IRS1: variants seen among roughly 807,000 people sequenced by gnomAD.
IRS1 encodes insulin receptor substrate 1.
IRS1 carries 34 observed loss-of-function variants against 65.6 expected under a neutral mutation model. That is an observed-to-expected ratio of 0.52 (90% CI 0.39 to 0.69). The LOEUF is 0.69. IRS1 is among the 30% of genes least tolerant of loss of function. The probability of loss-of-function intolerance (pLI) is 0.00; values close to 1 mark genes in which losing one functional copy is unlikely to be tolerated. For missense variants in IRS1, 1,641 were observed against 1,720.2 expected (o/e 0.95, Z 0.81); for synonymous variants, 699 against 683.5 (o/e 1.02, Z -0.35).
At chr2:226,766,121 T>TTACATATATATA (rs1939026635) in intron 1 of IRS1, among the ~76,000 whole-genome samples, 1 of 14,246 alleles carries the variant, frequency 7.0e-5, no homozygotes, top group African/African-American at 2.6e-4. Context: ...TCTCTTAATC[T>TTACATATATATA]TATATATATA....
At chr2:226,773,386 T>A (rs1174539804) in intron 1 of IRS1, among the ~76,000 whole-genome samples, 20 of 152,058 alleles carry the variant, frequency 1.3e-4, no homozygotes, top group Admixed American at 1.3e-3. Flanking sequence ...GGGAAGGTGT[T>A]TGAAATATTA....
chr2:226,761,603 C>T (rs556311132), intron 1 of IRS1, among the ~76,000 whole-genome samples: 17 of 152,084 alleles, frequency 1.1e-4, no homozygotes, highest in Admixed American at 1.3e-4. Context: ...AACTTTAAAT[C>T]GAATAAAAGC....
In IRS1 at chr2:226,797,262, G is replaced by A. The variant is rs780720173; in HGVS notation, c.1477C>T (p.Arg493Cys). The A allele has an allele frequency of 6.2e-7, 1 of 1,613,508 alleles. No individual in the cohort carries two copies. The highest frequency in any genetic ancestry group is 8.5e-7 in the Non-Finnish European group (1 of 1,179,962). ...YILSRGGNGH[R>C]CTPGTGLGTS... The stretch of plus-strand genomic sequence containing the variant: ...CCCAAGCCTGTTCCTGGGGTGCAGC[G>A]GTGGCCATTGCCACCCCGAGACAAA... Residue 493 changes from arginine (R) to cysteine (C), a missense_variant, in exon 1 of 2, where the codon CGC becomes TGC. Coordinates refer to ENST00000305123, the MANE Select transcript of IRS1 (RefSeq NM_005544.3). The surrounding 1 kb of genome is among the most constrained non-coding windows in gnomAD (Gnocchi z 8.1).
chr2:226,744,721 C>A (rs1938503562), intron 1 of IRS1, among the ~76,000 whole-genome samples: 1 of 152,148 alleles, frequency 6.6e-6, no homozygotes, highest in African/African-American at 2.4e-5. Flanking sequence ...AACCATTCAT[C>A]CCCTCACCCC....
At chr2:226,784,580 G>A (rs1382275849) in intron 1 of IRS1, among the ~76,000 whole-genome samples, 5 of 152,056 alleles carry the variant, frequency 3.3e-5, no homozygotes, top group Admixed American at 1.3e-4. Context: ...CTGCCACCAC[G>A]TGCAGCTAAT....
intron 1 of IRS1, among the ~76,000 whole-genome samples, chr2:226,757,805 T>G (rs906685330): frequency 3.0e-4 from 46 of 152,208 alleles, no homozygotes; most frequent in Admixed American, 3.0e-3. Flanking sequence ...AACTTTGCTA[T>G]TCACAAAGCA....
At chr2:226,758,467 T>G (rs1938847434) in intron 1 of IRS1, among the ~76,000 whole-genome samples, 1 of 152,202 alleles carries the variant, frequency 6.6e-6, no homozygotes, top group African/African-American at 2.4e-5. Context: ...GCCTAAATAC[T>G]TTCCCAATAT....
intron 1 of IRS1, among the ~76,000 whole-genome samples, chr2:226,777,817 C>T (rs1939303139): frequency 6.6e-6 from 1 of 152,158 alleles, no homozygotes; most frequent in Admixed American, 6.6e-5. Context: ...GAACTGTAAG[C>T]CCAATTAAAC....
chr2:226,756,969 A>G (rs1235350652), intron 1 of IRS1, among the ~76,000 whole-genome samples: 1 of 147,530 alleles, frequency 6.8e-6, no homozygotes, highest in African/African-American at 2.6e-5. Flanking sequence ...TAATAAATAA[A>G]TAAATAAATA....
intron 1 of IRS1, among the ~76,000 whole-genome samples, chr2:226,778,168 A>T (rs1939309876): frequency 6.6e-6 from 1 of 152,136 alleles, no homozygotes; most frequent in Non-Finnish European, 1.5e-5. Flanking sequence ...TGTTTTTAGA[A>T]CTTAATAGTA....
At chr2:226,758,605 A>G (rs1257896047) in intron 1 of IRS1, among the ~76,000 whole-genome samples, 1 of 152,234 alleles carries the variant, frequency 6.6e-6, no homozygotes. Flanking sequence ...AATGAATCAG[A>G]CAATTACTTT....
At chr2:226,788,980 G>A (rs1939539959) in intron 1 of IRS1, among the ~76,000 whole-genome samples, 1 of 152,126 alleles carries the variant, frequency 6.6e-6, no homozygotes, top group African/African-American at 2.4e-5. Context: ...ATGAAAAAAA[G>A]TTACAGGATC....
intron 1 of IRS1, among the ~76,000 whole-genome samples, chr2:226,791,954 A>T (rs556395529): frequency 6.6e-6 from 1 of 152,242 alleles, no homozygotes; most frequent in Admixed American, 6.5e-5. Context: ...GAAGGAATGC[A>T]GGAAGCGGAG....
At chr2:226,739,817 G>A (rs754430016) in intron 1 of IRS1, among the ~76,000 whole-genome samples, 4 of 152,126 alleles carry the variant, frequency 2.6e-5, no homozygotes, top group Admixed American at 1.3e-4. Context: ...AAACATTTGC[G>A]TAACTTAATA....
At chr2:226,773,750 C>G (rs1574654127) in intron 1 of IRS1, among the ~76,000 whole-genome samples, 1 of 152,142 alleles carries the variant, frequency 6.6e-6, no homozygotes, top group East Asian at 1.9e-4. Context: ...TGCCCCTTTA[C>G]CCAGCAGCCC....
intron 1 of IRS1, among the ~76,000 whole-genome samples, chr2:226,752,061 A>T (rs1393514301): frequency 6.6e-6 from 1 of 152,188 alleles, no homozygotes; most frequent in African/African-American, 2.4e-5. Flanking sequence ...AAAAGTATTG[A>T]TATTAAGACA....
intron 1 of IRS1, among the ~76,000 whole-genome samples, chr2:226,743,272 C>G (rs1938477033): frequency 2.0e-5 from 3 of 151,950 alleles, no homozygotes; most frequent in Admixed American, 6.5e-5. Flanking sequence ...CTCTGTCACC[C>G]AGGCAGGAGT....
intron 1 of IRS1, among the ~76,000 whole-genome samples, chr2:226,769,427 A>T (rs1939120839): frequency 6.6e-6 from 1 of 152,140 alleles, no homozygotes; most frequent in Non-Finnish European, 1.5e-5. Flanking sequence ...TTCAGAAAGC[A>T]ATTAGATCTA....
intron 1 of IRS1, among the ~76,000 whole-genome samples, chr2:226,778,321 A>T (rs955765079): frequency 6.6e-6 from 1 of 152,194 alleles, no homozygotes; most frequent in Non-Finnish European, 1.5e-5. Context: ...GATTTAAGTT[A>T]GCGATAAAGG....
Sources: gnomAD v4.1 joint callset for allele counts (sites outside exome capture counted in the v4.1 genomes callset) on GRCh38, gnomAD v4.1.1 for gene constraint, Gnocchi (gnomAD v3.1) non-coding constraint, MANE v1.5 for transcripts, NCBI Gene and HGNC (gene_info 2026-07-23, HGNC 2026-07-21) for gene names.